Variants in CNTLN observed in about 807,000 individuals in gnomAD.
CNTLN encodes the protein centlein, centrosomal protein.
In CNTLN, 212 loss-of-function variants were observed where a neutral mutation model predicts 180.0. The observed-to-expected ratio is 1.18, with a 90% CI of 1.05 to 1.32. The LOEUF is 1.32. Among genes scored for constraint, CNTLN ranks in the 40% most tolerant of loss-of-function variants. CNTLN has a pLI of 0.00. For synonymous variants in CNTLN, 722 were observed against 563.1 expected (o/e 1.28, Z -3.99); for missense variants, 2,095 against 1,610.9 (o/e 1.30, Z -5.14).
At chr9:17,157,115 T>C (rs184646912) in intron 2 of CNTLN, among the ~76,000 whole-genome samples, 1 of 152,280 alleles carries the variant, frequency 6.6e-6, no homozygotes, top group African/African-American at 2.4e-5. Context: ...GGGTCTTGGT[T>C]GAGTGTTAGT....
At chr9:17,269,088 A>T (rs1202040464) in intron 5 of CNTLN, among the ~76,000 whole-genome samples, 5 of 152,046 alleles carry the variant, frequency 3.3e-5, no homozygotes, top group African/African-American at 1.2e-4. Flanking sequence ...TGAACCCGGT[A>T]CCTCAGATGG....
At chr9:17,328,722 G>T (rs1053597311) in intron 8 of CNTLN, among the ~76,000 whole-genome samples, 2 of 152,054 alleles carry the variant, frequency 1.3e-5, no homozygotes, top group African/African-American at 4.8e-5. Flanking sequence ...TCTGTTGGAT[G>T]AATTTTAAAG....
intron 5 of CNTLN, among the ~76,000 whole-genome samples, chr9:17,241,201 C>T (rs1028298819): frequency 1.3e-5 from 2 of 152,104 alleles, no homozygotes; most frequent in African/African-American, 4.8e-5. Flanking sequence ...AGGTCTGTGA[C>T]TTAAGTCTTT....
chr9:17,359,693 A>C (rs1230059356), intron 12 of CNTLN, among the ~76,000 whole-genome samples: 1 of 141,332 alleles, frequency 7.1e-6, no homozygotes, highest in Non-Finnish European at 1.5e-5. Context: ...CATCCTGGCT[A>C]ACACGGTGAA....
At chr9:17,479,729 A>G (rs1212238474) in intron 23 of CNTLN, among the ~76,000 whole-genome samples, 2 of 152,176 alleles carry the variant, frequency 1.3e-5, no homozygotes, top group Non-Finnish European at 2.9e-5. Flanking sequence ...TCATGAAGGA[A>G]ATAGTTGACT....
At chr9:17,414,916 C>A (rs928905962) in intron 16 of CNTLN, among the ~76,000 whole-genome samples, 1 of 151,918 alleles carries the variant, frequency 6.6e-6, no homozygotes, top group Non-Finnish European at 1.5e-5. Context: ...ATGGTGAAAC[C>A]CCATCTCTAC....
intron 2 of CNTLN, among the ~76,000 whole-genome samples, chr9:17,175,753 G>A (rs1820680606): frequency 6.6e-6 from 1 of 152,060 alleles, no homozygotes; most frequent in South Asian, 2.1e-4. Flanking sequence ...ATGGACATAA[G>A]ATGTCTCTCC....
At chr9:17,297,145 A>G (rs939346558) in intron 6 of CNTLN, among the ~76,000 whole-genome samples, 2 of 152,208 alleles carry the variant, frequency 1.3e-5, no homozygotes, top group African/African-American at 4.8e-5. Context: ...CTGAACGTGT[A>G]CAGACTTTTT....
At chr9:17,393,021 A>T (rs1826229338) in intron 14 of CNTLN, among the ~76,000 whole-genome samples, 2 of 152,176 alleles carry the variant, frequency 1.3e-5, no homozygotes, top group Admixed American at 6.6e-5. Context: ...TAAAACTGAG[A>T]GGATTATAAA....
At chr9:17,301,001 T>G in intron 7 of CNTLN, 2 of 984,228 alleles carry the variant, frequency 2.0e-6, no homozygotes, top group Non-Finnish European at 2.4e-6. Flanking sequence ...AAGAAAAGAA[T>G]GATGTATGTT....
chr9:17,168,332 G>C (rs1431827704), intron 2 of CNTLN: 1 of 152,094 alleles, frequency 6.6e-6, no homozygotes, highest in Non-Finnish European at 1.5e-5. Context: ...TTATGTTCCT[G>C]TCTTTCTTGA....
chr9:17,314,656 G>A (rs1429807245), intron 8 of CNTLN, among the ~76,000 whole-genome samples: 3 of 152,186 alleles, frequency 2.0e-5, no homozygotes, highest in Non-Finnish European at 2.9e-5. Flanking sequence ...CGTTATTTCT[G>A]TTGTGGGCCT....
chr9:17,290,056 C>G (rs1357709125), intron 6 of CNTLN, among the ~76,000 whole-genome samples: 3 of 152,216 alleles, frequency 2.0e-5, no homozygotes, highest in East Asian at 1.9e-4. Flanking sequence ...TGGTGAGGAA[C>G]TGCGTTCCTT....
At chr9:17,390,070 C>T (rs915536384) in intron 14 of CNTLN, among the ~76,000 whole-genome samples, 1 of 152,072 alleles carries the variant, frequency 6.6e-6, no homozygotes. Context: ...ACCCTGCTGA[C>T]ACCTTGATCT....
At chr9:17,194,160 C>T (rs773263983) in intron 2 of CNTLN, among the ~76,000 whole-genome samples, 12 of 145,062 alleles carry the variant, frequency 8.3e-5, no homozygotes, top group African/African-American at 2.0e-4. Context: ...CTGTGAAAAC[C>T]TCTGACATGC....
At chr9:17,413,712 T>C (rs1053659139) in intron 16 of CNTLN, among the ~76,000 whole-genome samples, 1 of 152,102 alleles carries the variant, frequency 6.6e-6, no homozygotes, top group African/African-American at 2.4e-5. Context: ...TTAGTGAAAA[T>C]ACCAAGTGCT....
chr9:17,413,829 T>C (rs901437232), intron 16 of CNTLN, among the ~76,000 whole-genome samples: 1 of 152,156 alleles, frequency 6.6e-6, no homozygotes, highest in African/African-American at 2.4e-5. Flanking sequence ...AAACTAAACT[T>C]ACCATACAAC....
At chr9:17,527,230 A>T in the CNTLN span, among the ~76,000 whole-genome samples, 930 of 152,170 alleles carry the variant, frequency 6.1e-3, 4 homozygotes, top group African/African-American at 0.021. Flanking sequence ...ACTGTCCATT[A>T]CTGTGACACT....
chr9:17,135,261 C>A lies in CNTLN; in HGVS notation c.196C>A (p.Arg66=). ...GGTGGGTGAAGAAGGGTCAGGGGGC[C>A]GGCGAGGGCCTGGGGGGGCAGCTCC... ...IWVGEEGSGG[R]RGPGGAAPAH... Residue 66 remains arginine (R), a synonymous_variant, in exon 1 of 26, where the codon CGG becomes AGG. Transcript: ENST00000380647. The A allele has an allele frequency of 6.2e-7, 1 of 1,603,310 alleles. No homozygotes were observed. The highest frequency in any genetic ancestry group is 8.5e-7 in the Non-Finnish European group (1 of 1,175,466).
Sources: gnomAD v4.1 joint callset for allele counts (sites outside exome capture counted in the v4.1 genomes callset) on GRCh38, gnomAD v4.1.1 for gene constraint, MANE v1.5 for transcripts, NCBI Gene and HGNC (gene_info 2026-07-23, HGNC 2026-07-21) for gene names.